LRCH1: variants seen among roughly 807,000 people sequenced by gnomAD.
LRCH1 encodes the protein leucine-rich repeat and calponin homology domain-containing protein 1.
LRCH1 carries 23 observed loss-of-function variants against 94.9 expected under a neutral mutation model. The ratio of observed to expected loss-of-function variants is 0.24; its 90% CI spans 0.17 to 0.34. The LOEUF is 0.34. LRCH1 is among the 10% of genes least tolerant of loss of function. The probability of loss-of-function intolerance (pLI) is 1.00; values close to 1 mark genes in which losing one functional copy is unlikely to be tolerated. For missense variants in LRCH1, 790 were observed against 945.9 expected (o/e 0.84, Z 2.16); for synonymous variants, 364 against 354.9 (o/e 1.03, Z -0.29).
chr13:46,610,975 AG>A (rs2050741747), intron 1 of LRCH1, among the ~76,000 whole-genome samples: 2 of 152,226 alleles, frequency 1.3e-5, no homozygotes, highest in Admixed American at 6.5e-5. Flanking sequence ...TGTATTCAAC[AG>A]GTAACTGTGA....
At chr13:46,718,188 AG>A (rs1284705311) in intron 16 of LRCH1, among the ~76,000 whole-genome samples, 4 of 152,216 alleles carry the variant, frequency 2.6e-5, no homozygotes, top group African/African-American at 7.2e-5. Context: ...GTGAATTTGT[AG>A]GTGCTAATTT....
At chr13:46,624,534 T>A (rs568873798) in intron 1 of LRCH1, among the ~76,000 whole-genome samples, 2 of 152,188 alleles carry the variant, frequency 1.3e-5, no homozygotes, top group Non-Finnish European at 2.9e-5. Flanking sequence ...CATGAATGCC[T>A]CTTAAAATGG....
intron 1 of LRCH1, among the ~76,000 whole-genome samples, chr13:46,599,073 A>C (rs1425060625): frequency 6.6e-6 from 1 of 152,128 alleles, no homozygotes; most frequent in Non-Finnish European, 1.5e-5. Context: ...ACCTTATATA[A>C]ATAGAAGCAT....
At chr13:46,661,577 A>G (rs760352421) in intron 2 of LRCH1, among the ~76,000 whole-genome samples, 18 of 152,210 alleles carry the variant, frequency 1.2e-4, no homozygotes, top group Non-Finnish European at 2.4e-4. Context: ...TACTCTGTGT[A>G]AAAATGTTAG....
chr13:46,562,276 C>G (rs1387233478), intron 1 of LRCH1, among the ~76,000 whole-genome samples: 1 of 152,194 alleles, frequency 6.6e-6, no homozygotes, highest in African/African-American at 2.4e-5. Context: ...GGCACCATGA[C>G]AATATTCCTC....
At chr13:46,648,330 T>C (rs2051249226) in intron 1 of LRCH1, among the ~76,000 whole-genome samples, 1 of 152,212 alleles carries the variant, frequency 6.6e-6, no homozygotes, top group Non-Finnish European at 1.5e-5. Context: ...AAGTTTCACT[T>C]GCCAGCCTGA....
At chr13:46,595,374 A>G (rs1024559855) in intron 1 of LRCH1, among the ~76,000 whole-genome samples, 4 of 152,222 alleles carry the variant, frequency 2.6e-5, no homozygotes, top group Admixed American at 2.0e-4. Context: ...CCTGCTCTGC[A>G]TCTCCACAGG....
chr13:46,726,782 C>T (rs1198317690), intron 17 of LRCH1, among the ~76,000 whole-genome samples: 2 of 148,762 alleles, frequency 1.3e-5, no homozygotes, highest in South Asian at 4.2e-4. Flanking sequence ...CCAGTTGACA[C>T]CCAGTAGAAA....
chr13:46,585,517 C>T (rs1261168424), intron 1 of LRCH1, among the ~76,000 whole-genome samples: 1 of 146,312 alleles, frequency 6.8e-6, no homozygotes, highest in Non-Finnish European at 1.5e-5. Context: ...CATGCCACTG[C>T]ACTCCAGCCT....
intron 2 of LRCH1, among the ~76,000 whole-genome samples, 156 bp downstream of exon 2, chr13:46,650,501 T>A (rs1189819120): frequency 6.6e-6 from 1 of 152,136 alleles, no homozygotes; most frequent in Non-Finnish European, 1.5e-5. Flanking sequence ...TCTAATAAAT[T>A]TGTAATGTTG....
intron 2 of LRCH1, among the ~76,000 whole-genome samples, chr13:46,663,547 A>G (rs2051476179): frequency 6.6e-6 from 1 of 152,236 alleles, no homozygotes; most frequent in Admixed American, 6.5e-5. Flanking sequence ...TATAAAGACA[A>G]CAGTCAGGTG....
chr13:46,562,925 C>T lies in LRCH1; in HGVS notation c.307+9222C>T, dbSNP rs570677326. ...TACACTTACAAATGGATGACTCCGGCTCATCTGGACCCCTCCTCCATCTCT... is the reference window on the plus strand; with the variant it reads ...TACACTTACAAATGGATGACTCCGGTTCATCTGGACCCCTCCTCCATCTCT... On this transcript the variant is annotated intron_variant, in intron 1 of 19. Transcript: ENST00000389797. Among the ~76,000 whole-genome samples, 7 of 152,328 alleles carry T rather than the reference C, an allele frequency of 4.6e-5. No individual in the cohort carries two copies. The South Asian group carries it at 1.5e-3, about 32-fold the overall frequency.
chr13:46,612,474 C>T lies in LRCH1; in HGVS notation c.308-37727C>T, dbSNP rs972542739. On this transcript the variant is annotated intron_variant, in intron 1 of 19. Coordinates refer to ENST00000389797, the MANE Select transcript of LRCH1 (RefSeq NM_001164211.2). ...TGCTGTGCCACCTTGCCTATTCTGT[C>T]GTGGGCTCCAAATGTAAATTCATCA... is the stretch of plus-strand genomic sequence containing the variant. 5.9e-5 allele frequency among the ~76,000 whole-genome samples: 9 copies of T among 152,156 alleles called. No homozygotes were observed. In the South Asian group the frequency reaches 1.2e-3, roughly 21 times the overall value.
chr13:46,741,525 G>A, intron 19 of LRCH1, 117 bp from the exon 20 acceptor site: 1 of 1,150,184 alleles, frequency 8.7e-7, no homozygotes, highest in Non-Finnish European at 1.3e-6. Flanking sequence ...TGAAATAAGG[G>A]GTTACTCCTG....
At chr13:46,573,866 A>ATATATATATATATTTTTTT in intron 1 of LRCH1, among the ~76,000 whole-genome samples, 2 of 63,394 alleles carry the variant, frequency 3.2e-5, no homozygotes, top group African/African-American at 5.2e-5. Context: ...ATATATATAT[A>ATATATATATATATTTTTTT]TTTTTTTTTT....
In LRCH1 at chr13:46,661,327, T is replaced by C. The variant is rs143575781; in HGVS notation, c.453-7703T>C. Among the ~76,000 whole-genome samples the C allele has an allele frequency of 1.8e-3, 273 of 152,352 alleles. 4 individuals are homozygous for C. Among genetic ancestry groups the C allele is most frequent in the East Asian group, 5.6e-3 (29 of 5,188 alleles). ...TCTGAAAAGTGGGAGGTCTTAGTAC[T>C]TATGTTACAAGATGGTTGTGAATAT... On this transcript the variant is annotated intron_variant, in intron 2 of 19. Transcript: ENST00000389797.
chr13:46,720,664 C>A (rs981118364), intron 16 of LRCH1, among the ~76,000 whole-genome samples: 1 of 152,050 alleles, frequency 6.6e-6, no homozygotes, highest in African/African-American at 2.4e-5. Context: ...AGATCAATTT[C>A]CTGAAGCCTG....
intron 9 of LRCH1, among the ~76,000 whole-genome samples, chr13:46,698,686 C>A (rs1042411018): frequency 2.6e-5 from 4 of 152,144 alleles, no homozygotes; most frequent in African/African-American, 9.7e-5. Context: ...TCTCTCAATA[C>A]AAGAAGGTGC....
chr13:46,708,395 C>T (rs1305173686), intron 13 of LRCH1, among the ~76,000 whole-genome samples: 3 of 151,344 alleles, frequency 2.0e-5, no homozygotes, highest in Admixed American at 6.6e-5. Context: ...CCTCAGCTTC[C>T]TGAGTAGCTG....
Sources: allele counts gnomAD v4.1 joint callset (sites outside exome capture counted in the v4.1 genomes callset), GRCh38; gene constraint gnomAD v4.1.1; transcripts MANE v1.5; gene names NCBI Gene and HGNC (gene_info 2026-07-23, HGNC 2026-07-21).